The following XIRP2 variants were observed in gnomAD, a reference collection of about 807,000 sequenced individuals.
The protein encoded by XIRP2 is xin actin binding repeat containing 2, also known as xin actin-binding repeat-containing protein 2.
XIRP2 carries 236 observed loss-of-function variants against 277.0 expected under a neutral mutation model. The ratio of observed to expected loss-of-function variants is 0.85; its 90% CI spans 0.77 to 0.95. The LOEUF is 0.95. Ranked by LOEUF, XIRP2 falls within the 40% of genes least tolerant of loss-of-function variation. The pLI, the probability that XIRP2 is intolerant of heterozygous loss-of-function variation, is 0.00. For synonymous variants in XIRP2, 1,490 were observed against 1,416.5 expected (o/e 1.05, Z -1.17); for missense variants, 4,640 against 4,157.5 (o/e 1.12, Z -3.19).
At chr2:167,087,726 T>C (rs573408967) in intron 2 of XIRP2, among the ~76,000 whole-genome samples, 1 of 152,302 alleles carries the variant, frequency 6.6e-6, no homozygotes, top group East Asian at 1.9e-4. Flanking sequence ...TGTCACCCCT[T>C]TCTTTGACTC....
At chr2:167,163,066 A>AT (rs1692416956) in intron 3 of XIRP2, among the ~76,000 whole-genome samples, 1 of 152,170 alleles carries the variant, frequency 6.6e-6, no homozygotes, top group East Asian at 1.9e-4. Flanking sequence ...CAATTGATAC[A>AT]TTCATTATCT....
intron 2 of XIRP2, among the ~76,000 whole-genome samples, chr2:166,908,726 T>C (rs1684606555): frequency 6.6e-6 from 1 of 152,250 alleles, no homozygotes; most frequent in South Asian, 2.1e-4. Flanking sequence ...CTAGGTTTTC[T>C]TCTAGGGTTT....
chr2:166,958,285 A>G (rs1289759135), intron 2 of XIRP2, among the ~76,000 whole-genome samples: 2 of 151,894 alleles, frequency 1.3e-5, no homozygotes, highest in Non-Finnish European at 2.9e-5. Context: ...TTTATGCAGC[A>G]GTGTTTCAGA....
intron 5 of XIRP2, among the ~76,000 whole-genome samples, chr2:167,225,473 T>C (rs1402532667): frequency 1.3e-5 from 2 of 152,166 alleles, no homozygotes; most frequent in East Asian, 3.9e-4. Flanking sequence ...TCAGTATATT[T>C]CTATAACGGT....
At chr2:166,930,285 C>G (rs1685295019) in intron 2 of XIRP2, among the ~76,000 whole-genome samples, 1 of 152,104 alleles carries the variant, frequency 6.6e-6, no homozygotes, top group Non-Finnish European at 1.5e-5. Flanking sequence ...ATATGATTTA[C>G]CACCAGACTT....
intron 3 of XIRP2, among the ~76,000 whole-genome samples, chr2:167,204,045 T>A (rs1693792540): frequency 6.6e-6 from 1 of 152,184 alleles, no homozygotes; most frequent in South Asian, 2.1e-4. Flanking sequence ...TCACCTGAAG[T>A]GTGCTTGCCT....
rs771131200 is a variant in XIRP2 at position 167,247,335 on chromosome 2, A to G, written c.5943A>G (p.Pro1981=). 6.8e-6 allele frequency: 11 copies of G among 1,613,790 alleles called. No homozygotes were observed. Among genetic ancestry groups the G allele is most frequent in the Non-Finnish European group, 9.3e-6 (11 of 1,179,818 alleles). Residue 1981 remains proline, a synonymous_variant, in exon 9 of 11, where the codon CCA becomes CCG. Transcript: ENST00000409195. ...AAAATAGTCTTCTTCAGCCAAAGCC[A>G]GGTCCATTTGAGCCAGCGGCCAAGT... ...RNKNSLLQPK[P]GPFEPAAKWQ...
rs183311399 is a variant in XIRP2, at chr2:166,998,598, C to T, written c.408+94708C>T. Among the ~76,000 whole-genome samples, 295 of 152,230 alleles carry T rather than the reference C, an allele frequency of 1.9e-3. 2 individuals are homozygous for T. Among genetic ancestry groups the T allele is most frequent in the African/African-American group, 6.7e-3 (278 of 41,540 alleles). On this transcript the variant is annotated intron_variant, in intron 2 of 10. Coordinates refer to ENST00000409195, the MANE Select transcript of XIRP2 (RefSeq NM_152381.6). ...CTTGCAGTGAGCTGTGATAGCGCCA[C>T]TGCACTCCAGCCTGGGTGAAAGAGC... is the stretch of plus-strand genomic sequence containing the variant.
chr2:167,070,749 G>A (rs1010613321), intron 2 of XIRP2, among the ~76,000 whole-genome samples: 1 of 152,074 alleles, frequency 6.6e-6, no homozygotes, highest in Non-Finnish European at 1.5e-5. Context: ...ATTTGACTTG[G>A]AGCATACCAG....
At position 167,250,214 on chromosome 2, in the gene XIRP2, C is replaced by G. The variant is rs768553873; in HGVS notation, c.8822C>G (p.Ala2941Gly). ...TCCCAGCGGGATGATGGAAAAGGTG[C>G]CTTAAATATAGTGGAATTCTTGAGA... ...KESQRDDGKG[A>G]LNIVEFLRKR... The change falls in exon 9 of 11, where the codon GCC becomes GGC. Residue 2941 changes from alanine to glycine, a missense_variant. Ala to Gly is a moderately conservative substitution (Grantham distance 60). Transcript: ENST00000409195. 1.2e-6 allele frequency: 2 copies of G among 1,613,314 alleles called. No individual in the cohort carries two copies. The highest frequency in any genetic ancestry group is 2.2e-5 in the East Asian group (1 of 44,820).
intron 2 of XIRP2, among the ~76,000 whole-genome samples, chr2:167,064,497 T>C (rs7568387): frequency 0.065 from 9,896 of 152,008 alleles, 578 homozygotes; most frequent in African/African-American, 0.16. Context: ...TAATTTTATT[T>C]TTAACTGTGG....
chr2:167,253,115 C>G (rs1381864427), intron 9 of XIRP2, among the ~76,000 whole-genome samples: 1 of 151,828 alleles, frequency 6.6e-6, no homozygotes, highest in Non-Finnish European at 1.5e-5. Context: ...TATAATGGAA[C>G]CTGAGCATAT....
chr2:166,926,860 C>G (rs1482696273), intron 2 of XIRP2, among the ~76,000 whole-genome samples: 2 of 152,124 alleles, frequency 1.3e-5, no homozygotes, highest in East Asian at 3.9e-4. Flanking sequence ...CAGCTGTCCA[C>G]TGACCCAGCA....
chr2:166,936,727 G>A (rs1329529756), intron 2 of XIRP2, among the ~76,000 whole-genome samples: 2 of 152,112 alleles, frequency 1.3e-5, no homozygotes, highest in Non-Finnish European at 2.9e-5. Context: ...GGTTGTAGAT[G>A]TGTGGTATTA....
intron 2 of XIRP2, among the ~76,000 whole-genome samples, chr2:166,930,710 G>C (rs1685312432): frequency 6.6e-6 from 1 of 152,084 alleles, no homozygotes; most frequent in South Asian, 2.1e-4. Flanking sequence ...GTCAGTTTCT[G>C]TATCTCTAAA....
chr2:167,130,570 C>T (rs1165310480), intron 2 of XIRP2, among the ~76,000 whole-genome samples: 1 of 152,138 alleles, frequency 6.6e-6, no homozygotes, highest in Non-Finnish European at 1.5e-5. Flanking sequence ...ATTTGCTTTG[C>T]CAAGTATTCA....
chr2:167,217,397 A>T (rs1290420230), intron 4 of XIRP2, among the ~76,000 whole-genome samples: 1 of 152,060 alleles, frequency 6.6e-6, no homozygotes, highest in Admixed American at 6.6e-5. Context: ...CTCAGAGCTG[A>T]TGCCTGGGGT....
At chr2:167,231,895 G>A (rs1299923684) in intron 5 of XIRP2, among the ~76,000 whole-genome samples, 1 of 151,946 alleles carries the variant, frequency 6.6e-6, no homozygotes, top group African/African-American at 2.4e-5. Context: ...GAATGTGTCT[G>A]GGGCCGGTGG....
In XIRP2 at chr2:167,246,780, G is replaced by A; in HGVS notation, c.5388G>A (p.Gln1796=). Reference sequence around the variant, plus strand: ...CAAAACTGTTACTGAAGAAAAGGCAGTCTCTGGTTGAACGTACTGTTAGTG... The same window carrying A: ...CAAAACTGTTACTGAAGAAAAGGCAATCTCTGGTTGAACGTACTGTTAGTG... The part of the protein sequence containing the change: ...EGTKLLLKKR[Q]SLVERTVSET... Residue 1796 remains glutamine (Q), a synonymous_variant, in exon 9 of 11, where the codon CAG becomes CAA. Coordinates refer to ENST00000409195, the MANE Select transcript of XIRP2 (RefSeq NM_152381.6). 1 of 1,613,860 alleles carries A rather than the reference G, an allele frequency of 6.2e-7. No individual in the cohort carries two copies. Among genetic ancestry groups the A allele is most frequent in the Non-Finnish European group, 8.5e-7 (1 of 1,179,826 alleles).
Sources: gnomAD v4.1 joint callset for allele counts (sites outside exome capture counted in the v4.1 genomes callset) on GRCh38, gnomAD v4.1.1 for gene constraint, MANE v1.5 for transcripts, NCBI Gene and HGNC (gene_info 2026-07-23, HGNC 2026-07-21) for gene names.